Variants in TULP4 observed in about 807,000 individuals in gnomAD.
TULP4 encodes TUB like protein 4.
TULP4 carries 16 observed loss-of-function variants against 129.0 expected under a neutral mutation model. The observed-to-expected ratio is 0.12, with a 90% CI of 0.08 to 0.19. The LOEUF is 0.19. Among genes scored for constraint, TULP4 ranks in the 10% least tolerant of loss-of-function variants. The pLI is 1.00. For missense variants in TULP4, 1,842 were observed against 2,059.1 expected (o/e 0.89, Z 2.04); for synonymous variants, 998 against 854.0 (o/e 1.17, Z -2.94).
intron 1 of TULP4, among the ~76,000 whole-genome samples, chr6:158,343,892 C>G (rs1469330429): frequency 6.6e-6 from 1 of 152,138 alleles, no homozygotes; most frequent in East Asian, 1.9e-4. Flanking sequence ...GGATGTCAGG[C>G]CCCTGAGCCC....
At chr6:158,245,702 C>T (rs999818010) in intron 1 of TULP4, among the ~76,000 whole-genome samples, 2 of 152,140 alleles carry the variant, frequency 1.3e-5, no homozygotes, top group Non-Finnish European at 2.9e-5. Context: ...ATATTACCTT[C>T]CTTGCATGCA....
intron 1 of TULP4, among the ~76,000 whole-genome samples, chr6:158,275,208 A>G (rs1010268584): frequency 9.9e-5 from 15 of 152,208 alleles, no homozygotes; most frequent in Non-Finnish European, 4.4e-5. Flanking sequence ...TGTCCCGCAC[A>G]GTTGCAGCTG....
chr6:158,277,442 T>A (rs924480127), upstream of TULP4, among the ~76,000 whole-genome samples: 1 of 152,226 alleles, frequency 6.6e-6, no homozygotes, highest in Non-Finnish European at 1.5e-5. Flanking sequence ...TGATAATGCT[T>A]ATGACATTAC....
intron 1 of TULP4, among the ~76,000 whole-genome samples, chr6:158,399,362 G>T (rs770898983): frequency 7.6e-4 from 116 of 152,220 alleles, no homozygotes; most frequent in Non-Finnish European, 7.5e-4. Flanking sequence ...TACAGCCAAT[G>T]ATTTGGACTT....
intron 1 of TULP4, among the ~76,000 whole-genome samples, chr6:158,400,628 C>T (rs979507531): frequency 3.3e-5 from 5 of 152,202 alleles, no homozygotes; most frequent in Non-Finnish European, 7.3e-5. Flanking sequence ...AATGTCACCT[C>T]TGCCATTTTC....
At chr6:158,472,973 G>T (rs1265827204) in intron 6 of TULP4, among the ~76,000 whole-genome samples, 2 of 152,168 alleles carry the variant, frequency 1.3e-5, no homozygotes, top group African/African-American at 2.4e-5. Context: ...TAGCACTACT[G>T]ACTGAAGTTT....
chr6:158,495,991 A>G (rs551645613), intron 11 of TULP4, among the ~76,000 whole-genome samples: 8 of 152,342 alleles, frequency 5.3e-5, no homozygotes, highest in Admixed American at 3.9e-4. Context: ...GCCAGGCCAG[A>G]ACATGAACAT....
At chr6:158,278,797 G>T (rs1387123257), upstream of TULP4, among the ~76,000 whole-genome samples, 2 of 152,104 alleles carry the variant, frequency 1.3e-5, no homozygotes, top group African/African-American at 4.8e-5. Flanking sequence ...TATGTTTAGG[G>T]CACTGTTGTA....
intron 1 of TULP4, among the ~76,000 whole-genome samples, chr6:158,350,942 T>C (rs1351620372): frequency 6.6e-6 from 1 of 151,864 alleles, no homozygotes; most frequent in Non-Finnish European, 1.5e-5. Context: ...TTAGTAGAGA[T>C]AGGGTTTCAC....
intron 1 of TULP4, among the ~76,000 whole-genome samples, chr6:158,240,475 A>AC (rs1168081465): frequency 3.1e-5 from 2 of 64,942 alleles, no homozygotes; most frequent in African/African-American, 5.2e-5. Context: ...CGGAAGGCTG[A>AC]CCCCCCCACC....
rs536877214 is a variant in TULP4 at position 158,479,900 on chromosome 6, C to G, written c.1176C>G (p.Asp392Glu). 9.3e-6 allele frequency: 15 copies of G among 1,613,016 alleles called. No homozygotes were observed. The highest frequency in any genetic ancestry group is 3.3e-4 in the Middle Eastern group (2 of 6,044). Residue 392 changes from aspartate (D) to glutamate (E), a missense_variant, in exon 7 of 14, where the codon GAC becomes GAG. By Grantham distance (45) the Asp-to-Glu change is conservative. Coordinates refer to ENST00000367097, the MANE Select transcript of TULP4 (RefSeq NM_020245.5). Reference protein sequence around the residue: ...QQAIASTLREDKDVSKLTLPP... With the variant: ...QQAIASTLREEKDVSKLTLPP... Reference sequence around the variant, plus strand: ...CCATCGCCAGCACCTTGCGTGAGGACAAGGACGTCAGCAAGCTGACTCTGC... The same window carrying G: ...CCATCGCCAGCACCTTGCGTGAGGAGAAGGACGTCAGCAAGCTGACTCTGC...
intron 1 of TULP4, among the ~76,000 whole-genome samples, chr6:158,276,375 G>T (rs1778646960): frequency 6.8e-6 from 1 of 147,484 alleles, no homozygotes; most frequent in Non-Finnish European, 1.5e-5. Context: ...CATGATCATA[G>T]CTCACTGCAG....
At position 158,377,966 on chromosome 6, in the gene TULP4, GTC is replaced by G. The variant is rs370906691; in HGVS notation, c.253-35097_253-35096del. Among the ~76,000 whole-genome samples, 357 of 152,286 alleles carry G rather than the reference GTC, an allele frequency of 2.3e-3. 2 individuals are homozygous for G. The highest frequency in any genetic ancestry group is 8.2e-3 in the African/African-American group (340 of 41,554). ...CACTCTCAGCTAGACTCAGTTATGT[GTC>G]TGGTCAGCTGCATTCAGCAAAACAG... On this transcript the variant is annotated intron_variant, in intron 1 of 13. Transcript: ENST00000367097.
At chr6:158,303,960 T>C (rs1202033111) in intron 1 of TULP4, among the ~76,000 whole-genome samples, 2 of 152,198 alleles carry the variant, frequency 1.3e-5, no homozygotes, top group Non-Finnish European at 2.9e-5. Flanking sequence ...CCACTCCCGA[T>C]GGTAAATTTT....
chr6:158,415,413 G>A (rs889505495), intron 2 of TULP4, among the ~76,000 whole-genome samples: 2 of 147,586 alleles, frequency 1.4e-5, no homozygotes, highest in South Asian at 2.2e-4. Flanking sequence ...GCAGGGGCAC[G>A]ATCTCAACTC....
At chr6:158,472,173 C>T (rs981014569) in intron 6 of TULP4, among the ~76,000 whole-genome samples, 1 of 152,200 alleles carries the variant, frequency 6.6e-6, no homozygotes, top group Non-Finnish European at 1.5e-5. Flanking sequence ...GCATGTATTA[C>T]ACTTTTCTGT....
chr6:158,245,475 G>A (rs1258850953), intron 1 of TULP4, among the ~76,000 whole-genome samples: 1 of 151,880 alleles, frequency 6.6e-6, no homozygotes, highest in African/African-American at 2.4e-5. Context: ...GATGAAGGGA[G>A]GTATGTCCTC....
At chr6:158,421,425 G>A (rs1023507544) in intron 2 of TULP4, among the ~76,000 whole-genome samples, 1 of 152,108 alleles carries the variant, frequency 6.6e-6, no homozygotes, top group Non-Finnish European at 1.5e-5. Context: ...AGGGGTCCGG[G>A]AGGTTCCAGG....
At chr6:158,253,880 G>C (rs1482697220) in intron 1 of TULP4, among the ~76,000 whole-genome samples, 1 of 151,878 alleles carries the variant, frequency 6.6e-6, no homozygotes, top group Non-Finnish European at 1.5e-5. Flanking sequence ...ACTAAAAATA[G>C]AAAAATTATT....
Sources: allele counts gnomAD v4.1 joint callset (sites outside exome capture counted in the v4.1 genomes callset), GRCh38; gene constraint gnomAD v4.1.1; transcripts MANE v1.5; gene names NCBI Gene and HGNC (gene_info 2026-07-23, HGNC 2026-07-21).